LRRC1: variants seen among roughly 807,000 people sequenced by gnomAD.
The protein encoded by LRRC1 is leucine rich repeat containing 1, also known as leucine-rich repeat-containing protein 1.
Under a neutral mutation model 69.9 loss-of-function variants are expected in LRRC1, and 28 were observed. The ratio of observed to expected loss-of-function variants is 0.40; its 90% CI spans 0.30 to 0.55. LRRC1 has a LOEUF of 0.55. Among genes scored for constraint, LRRC1 ranks in the 20% least tolerant of loss-of-function variants. The pLI, the probability that LRRC1 is intolerant of heterozygous loss-of-function variation, is 0.47. For synonymous variants in LRRC1, 236 were observed against 240.2 expected (o/e 0.98, Z 0.16); for missense variants, 498 against 609.0 (o/e 0.82, Z 1.92).
At chr6:53,908,064 A>T (rs532634678) in intron 10 of LRRC1, among the ~76,000 whole-genome samples, 2 of 152,296 alleles carry the variant, frequency 1.3e-5, no homozygotes, top group African/African-American at 4.8e-5. Flanking sequence ...AGATTTCTTA[A>T]AAACTCATAG....
chr6:53,880,968 T>G (rs1252872334), intron 3 of LRRC1, among the ~76,000 whole-genome samples: 1 of 152,210 alleles, frequency 6.6e-6, no homozygotes, highest in Non-Finnish European at 1.5e-5. Context: ...TTTTTCTATT[T>G]CTTTGATTTT....
At position 53,813,431 on chromosome 6, in the gene LRRC1, A is replaced by C. The variant is rs578218666; in HGVS notation, c.159+18016A>C. ...GGATAGGGTGGGCTAGTTATAGACA[A>C]ACCTGTGCAAACCAGAGAGTGCATG... On this transcript the variant is annotated intron_variant, in intron 1 of 13. Transcript: ENST00000370888. Among the ~76,000 whole-genome samples, 43 of 152,118 alleles carry C rather than the reference A, an allele frequency of 2.8e-4. 1 individual carries two copies. The highest frequency in any genetic ancestry group is 3.4e-4 in the Non-Finnish European group (23 of 68,018).
chr6:53,840,884 T>TTGTGTGTGTG lies in LRRC1; in HGVS notation c.160-1191_160-1182dup, dbSNP rs57491487. 8.5e-4 allele frequency among the ~76,000 whole-genome samples: 106 copies of TTGTGTGTGTG among 125,292 alleles called. 1 individual carries two copies. Among genetic ancestry groups the TTGTGTGTGTG allele is most frequent in the Middle Eastern group, 4.0e-3 (1 of 252 alleles). 82.2% of individuals were successfully genotyped at this position (125,292 alleles called of 152,430 possible). A position where few individuals can be genotyped will look rare whatever the true frequency, so the allele number is the denominator to read the frequency against. Reference sequence around the variant, plus strand: ...TCCTCTGGGGTGGGGGGGTATGTGTTTGTGTGTGTGTGTGTGTGTGTGTGT... The same window carrying TTGTGTGTGTG: ...TCCTCTGGGGTGGGGGGGTATGTGTTTGTGTGTGTGTGTGTGTGTGTGTGTGTGTGTGTGT... On this transcript the variant is annotated intron_variant, in intron 1 of 13. Coordinates refer to ENST00000370888, the MANE Select transcript of LRRC1 (RefSeq NM_018214.5).
intron 1 of LRRC1, among the ~76,000 whole-genome samples, chr6:53,825,709 G>A (rs1389007397): frequency 6.6e-6 from 1 of 152,090 alleles, no homozygotes; most frequent in Non-Finnish European, 1.5e-5. Context: ...GGAGTCTGAT[G>A]ATAACGCAGC....
intron 13 of LRRC1, 169 bp downstream of exon 13, chr6:53,920,930 A>C (rs1439452626): frequency 1.4e-6 from 1 of 712,506 alleles, no homozygotes; most frequent in Non-Finnish European, 2.3e-6. Flanking sequence ...ACTCACTCAC[A>C]AAAGGTAAAT....
intron 1 of LRRC1, among the ~76,000 whole-genome samples, chr6:53,832,526 T>C (rs1358077171): frequency 6.6e-6 from 1 of 152,224 alleles, no homozygotes; most frequent in African/African-American, 2.4e-5. Flanking sequence ...TGCAACCTTA[T>C]TGAAAATCGC....
intron 2 of LRRC1, among the ~76,000 whole-genome samples, chr6:53,875,789 A>G (rs545312600): frequency 4.7e-4 from 71 of 152,304 alleles, no homozygotes; most frequent in African/African-American, 1.6e-3. Context: ...ATAATTGTAC[A>G]TATGTATGGG....
At chr6:53,858,926 T>C (rs1203383566) in intron 2 of LRRC1, among the ~76,000 whole-genome samples, 2 of 152,204 alleles carry the variant, frequency 1.3e-5, no homozygotes, top group Admixed American at 1.3e-4. Context: ...GTTTTTAAAA[T>C]GCTTCTTTTA....
At chr6:53,812,321 C>T (rs535301464) in intron 1 of LRRC1, among the ~76,000 whole-genome samples, 91 of 152,156 alleles carry the variant, frequency 6.0e-4, no homozygotes, top group East Asian at 2.5e-3. Flanking sequence ...GATTTGAAGC[C>T]GAGAGTTTGG....
In LRRC1 at chr6:53,884,196, C is replaced by A. The variant is rs958256137; in HGVS notation, c.446+1220C>A. On this transcript the variant is annotated intron_variant, in intron 4 of 13. Transcript: ENST00000370888. ...AATTCACTTTTGCTGTATCAAGTGT[C>A]AGATATTTATAATGTAACAATTTTT... 4 of 573,114 alleles carry A rather than the reference C, an allele frequency of 7.0e-6. No homozygotes were observed. In the African/African-American group the frequency reaches 7.6e-5, roughly 11 times the overall value. 35.5% of individuals were successfully genotyped at this position (573,114 alleles called of 1,614,324 possible).
At chr6:53,832,073 G>C (rs1466918956) in intron 1 of LRRC1, among the ~76,000 whole-genome samples, 1 of 152,074 alleles carries the variant, frequency 6.6e-6, no homozygotes, top group Non-Finnish European at 1.5e-5. Flanking sequence ...CAGTTCCTCT[G>C]AACAACCCAT....
chr6:53,833,168 T>TCA (rs1765479366), intron 1 of LRRC1, among the ~76,000 whole-genome samples: 2 of 152,192 alleles, frequency 1.3e-5, no homozygotes, highest in African/African-American at 4.8e-5. Context: ...GCTCATCCCT[T>TCA]CAGTCAAGTT....
chr6:53,800,898 C>T (rs1398195443), intron 1 of LRRC1, among the ~76,000 whole-genome samples: 3 of 152,168 alleles, frequency 2.0e-5, no homozygotes, highest in Non-Finnish European at 2.9e-5. Context: ...CCTCAGCCTC[C>T]CAAAGTGCTG....
At chr6:53,864,325 C>T (rs2127424453) in intron 2 of LRRC1, among the ~76,000 whole-genome samples, 2 of 152,288 alleles carry the variant, frequency 1.3e-5, no homozygotes, top group East Asian at 3.9e-4. Context: ...TCATCCACCC[C>T]CATCTCTGTG....
chr6:53,922,735 T>C lies in LRRC1; in HGVS notation c.1517T>C (p.Leu506Pro). 2 of 1,614,102 alleles carry C rather than the reference T, an allele frequency of 1.2e-6. No individual in the cohort carries two copies. Among genetic ancestry groups the C allele is most frequent in the Non-Finnish European group, 1.7e-6 (2 of 1,179,966 alleles). ...AATGACATGAATGCTGCTAAAGGAC[T>C]GGACTCAAACAAAAACGAGGTCAAT... is the stretch of plus-strand genomic sequence containing the variant. Reference protein sequence around the residue: ...LRNDMNAAKGLDSNKNEVNHA... With the variant: ...LRNDMNAAKGPDSNKNEVNHA... The change falls in exon 14 of 14, where the codon CTG becomes CCG. Residue 506 changes from leucine (L) to proline (P), a missense_variant. By Grantham distance (98) the Leu-to-Pro change is moderately conservative (BLOSUM62 -3). Coordinates refer to ENST00000370888, the MANE Select transcript of LRRC1 (RefSeq NM_018214.5).
intron 1 of LRRC1, among the ~76,000 whole-genome samples, chr6:53,817,934 A>G (rs1373847239): frequency 6.6e-6 from 1 of 152,232 alleles, no homozygotes; most frequent in African/African-American, 2.4e-5. Context: ...TGTGCGCTGT[A>G]TGATCAGCAC....
At position 53,920,014 on chromosome 6, in the gene LRRC1, CT is replaced by C. The variant is rs1242668873; in HGVS notation, c.1279+345del. ...GATTAGTATTAACACCACTGGCATA[CT>C]GTTTTTAAGCCATTGAATTATTTTG... On this transcript the variant is annotated intron_variant, in intron 12 of 13. Transcript: ENST00000370888. Among the ~76,000 whole-genome samples the C allele has an allele frequency of 6.6e-5, 10 of 152,366 alleles. No homozygotes were observed. The East Asian group carries it at 1.9e-3, about 29-fold the overall frequency.
At position 53,919,496 on chromosome 6, in the gene LRRC1, A is replaced by G. The variant is rs866125502; in HGVS notation, c.1107-2A>G. ...TTTTTTTAAAAAAAAAAAAAAAAAC[A>G]GGTTGCTGCATCTACCTTTATCCCT... On this transcript the variant is annotated splice_acceptor_variant, in intron 11 of 13. Transcript: ENST00000370888. LOFTEE classifies it high-confidence loss of function. 1 of 1,525,902 alleles carries G rather than the reference A, an allele frequency of 6.6e-7. No individual in the cohort carries two copies. Among genetic ancestry groups the G allele is most frequent in the East Asian group, 2.4e-5 (1 of 42,094 alleles). The allele number at this position is 1,525,902 out of a possible 1,614,324, so 94.5% of individuals were successfully genotyped here.
intron 4 of LRRC1, among the ~76,000 whole-genome samples, chr6:53,891,998 AAAT>A (rs796871733): frequency 6.1e-4 from 54 of 88,378 alleles, no homozygotes; most frequent in East Asian, 3.4e-3. Flanking sequence ...TCTAAAAAAA[AAAT>A]ATATATATAT....
Sources: allele counts gnomAD v4.1 joint callset (sites outside exome capture counted in the v4.1 genomes callset), GRCh38; gene constraint gnomAD v4.1.1; transcripts MANE v1.5; gene names NCBI Gene and HGNC (gene_info 2026-07-23, HGNC 2026-07-21).